TGFBR1: variants seen among roughly 807,000 people sequenced by gnomAD.
TGFBR1 encodes transforming growth factor beta receptor 1.
TGFBR1 carries 20 observed loss-of-function variants against 55.1 expected under a neutral mutation model. The observed-to-expected ratio is 0.36, with a 90% CI of 0.26 to 0.53. TGFBR1 has a LOEUF of 0.53. Among genes scored for constraint, TGFBR1 ranks in the 20% least tolerant of loss-of-function variants. The pLI, the probability that TGFBR1 is intolerant of heterozygous loss-of-function variation, is 0.91. For synonymous variants in TGFBR1, 220 were observed against 214.8 expected (o/e 1.02, Z -0.21); for missense variants, 385 against 617.6 (o/e 0.62, Z 3.99).
intron 1 of TGFBR1, among the ~76,000 whole-genome samples, chr9:99,117,696 T>C (rs1826787453): frequency 6.6e-6 from 1 of 152,236 alleles, no homozygotes; most frequent in African/African-American, 2.4e-5. Flanking sequence ...CTGTTCTGTT[T>C]GCCCATTTGT....
rs1329520774 is a variant in TGFBR1, at chr9:99,146,629, C to T, written c.1255+20C>T. 11 of 1,613,662 alleles carry T rather than the reference C, an allele frequency of 6.8e-6. No individual in the cohort carries two copies. The Admixed American group carries it at 1.2e-4, about 17-fold the overall frequency. On this transcript the variant is annotated intron_variant, in intron 7 of 8. Transcript: ENST00000374994. ...TTGGTGGTAAATTGCTCTCCTCTCCCCCAGTAGTTTGTCATGAGCAGAAGT... is the reference window on the plus strand; with the variant it reads ...TTGGTGGTAAATTGCTCTCCTCTCCTCCAGTAGTTTGTCATGAGCAGAAGT...
At chr9:99,106,677 TCA>T (rs1472729727) in intron 1 of TGFBR1, among the ~76,000 whole-genome samples, 2 of 152,344 alleles carry the variant, frequency 1.3e-5, no homozygotes, top group African/African-American at 2.4e-5. Context: ...CACTCAGATC[TCA>T]GTTTCCCAAA....
intron 1 of TGFBR1, among the ~76,000 whole-genome samples, chr9:99,124,410 A>G (rs565625329): frequency 1.3e-5 from 2 of 152,190 alleles, no homozygotes; most frequent in Non-Finnish European, 2.9e-5. Flanking sequence ...TTGCAGAGTG[A>G]GGAGAACTTG....
At chr9:99,104,671 G>A (rs1276991183), upstream of TGFBR1, among the ~76,000 whole-genome samples, 1 of 152,202 alleles carries the variant, frequency 6.6e-6, no homozygotes, top group Non-Finnish European at 1.5e-5. Context: ...ATGCGGAGCT[G>A]TGAATGGGGT....
chr9:99,131,536 A>G (rs1827223704), intron 2 of TGFBR1, among the ~76,000 whole-genome samples: 1 of 152,250 alleles, frequency 6.6e-6, no homozygotes, highest in South Asian at 2.1e-4. Flanking sequence ...TGAAACAACC[A>G]GAAAATCTTA....
At chr9:99,110,714 C>T (rs996600063) in intron 1 of TGFBR1, among the ~76,000 whole-genome samples, 2 of 152,204 alleles carry the variant, frequency 1.3e-5, no homozygotes, top group Admixed American at 6.5e-5. Flanking sequence ...CCATAAACCC[C>T]ATCTGCCTGG....
In TGFBR1 at chr9:99,150,834, A is replaced by G. The variant is rs559280038; in HGVS notation, c.*1529A>G. 2 of 219,522 alleles carry G rather than the reference A, an allele frequency of 9.1e-6. No individual in the cohort carries two copies. The highest frequency in any genetic ancestry group is 1.2e-4 in the Admixed American group (2 of 17,360). 13.6% of individuals were successfully genotyped at this position (219,522 alleles called of 1,614,324 possible). On this transcript the variant is annotated 3_prime_UTR_variant, in exon 9 of 9. Transcript: ENST00000374994. ...AACTTGTCATGGTCTTCTTACATTAAGTTGAAACTAGCTTATAATAACTGG... is the reference window on the plus strand; with the variant it reads ...AACTTGTCATGGTCTTCTTACATTAGGTTGAAACTAGCTTATAATAACTGG...
At chr9:99,103,723 G>A (rs947791370), upstream of TGFBR1, among the ~76,000 whole-genome samples, 8 of 152,166 alleles carry the variant, frequency 5.3e-5, no homozygotes, top group African/African-American at 1.9e-4. Context: ...GGTTCAGAAA[G>A]GTTAGCTGAC....
intron 1 of TGFBR1, among the ~76,000 whole-genome samples, chr9:99,117,546 A>G (rs1185847179): frequency 1.3e-5 from 2 of 152,098 alleles, no homozygotes; most frequent in African/African-American, 4.8e-5. Flanking sequence ...TTATGGTATG[A>G]GATTTTTATT....
At position 99,149,265 on chromosome 9, in the gene TGFBR1, CATT is replaced by C; in HGVS notation, c.1475_1477del (p.Leu492del). ...CTTACAGCATTGCGGATTAAGAAAA[CATT>C]ATCGCAACTCAGTCAACAGGAAGGC... On this transcript the variant is annotated inframe_deletion, in exon 9 of 9. Transcript: ENST00000374994. 6.2e-7 allele frequency: 1 copy of C among 1,613,676 alleles called. No homozygotes were observed. The highest frequency in any genetic ancestry group is 8.5e-7 in the Non-Finnish European group (1 of 1,179,846).
chr9:99,141,445 T>G (rs1400558201), intron 4 of TGFBR1, among the ~76,000 whole-genome samples: 3 of 152,256 alleles, frequency 2.0e-5, no homozygotes, highest in African/African-American at 7.2e-5. Flanking sequence ...ATGGATTTTT[T>G]CTTTTGGTTT....
chr9:99,132,386 C>G, intron 2 of TGFBR1, 123 bp from the exon 3 acceptor site: 2 of 1,510,072 alleles, frequency 1.3e-6, no homozygotes, highest in South Asian at 2.4e-5. Context: ...TGTAATGAGG[C>G]TCTTTGGCTA....
chr9:99,152,019 G>C lies in TGFBR1; in HGVS notation c.*2714G>C, dbSNP rs1257339516. On this transcript the variant is annotated 3_prime_UTR_variant, in exon 9 of 9. Coordinates refer to ENST00000374994, the MANE Select transcript of TGFBR1 (RefSeq NM_004612.4). ...GATGGGGGAAATACGACTTAGTGAGGCATAGACATCCCTGGTCCATCCTTT... is the reference window on the plus strand; with the variant it reads ...GATGGGGGAAATACGACTTAGTGAGCCATAGACATCCCTGGTCCATCCTTT... The C allele has an allele frequency of 5.0e-6, 1 of 198,626 alleles. No homozygotes were observed. The highest frequency in any genetic ancestry group is 1.0e-5 in the Non-Finnish European group (1 of 96,024). 12.3% of individuals were successfully genotyped at this position (198,626 alleles called of 1,614,324 possible).
chr9:99,134,790 A>G (rs1329988113), intron 3 of TGFBR1, among the ~76,000 whole-genome samples: 1 of 117,672 alleles, frequency 8.5e-6, no homozygotes, highest in Non-Finnish European at 1.7e-5. Flanking sequence ...CAATGGAATA[A>G]TTCTGTTTCC....
chr9:99,143,181 T>G (rs1455126558), intron 5 of TGFBR1, among the ~76,000 whole-genome samples: 1 of 152,220 alleles, frequency 6.6e-6, no homozygotes, highest in Admixed American at 6.5e-5. Context: ...AATCTGGAAA[T>G]TTGTTTAGAG....
At chr9:99,142,978 G>A (rs1300043528) in intron 5 of TGFBR1, among the ~76,000 whole-genome samples, 1 of 152,150 alleles carries the variant, frequency 6.6e-6, no homozygotes, top group Non-Finnish European at 1.5e-5. Context: ...AGGATTACCT[G>A]AGCCTGGGAG....
intron 1 of TGFBR1, among the ~76,000 whole-genome samples, chr9:99,114,836 A>G (rs1406263179): frequency 6.6e-6 from 1 of 152,126 alleles, no homozygotes; most frequent in Non-Finnish European, 1.5e-5. Context: ...TTTACCTTCA[A>G]ACAGGTGCAA....
At chr9:99,144,490 A>G (rs1039692734) in intron 5 of TGFBR1, among the ~76,000 whole-genome samples, 49 of 151,988 alleles carry the variant, frequency 3.2e-4, no homozygotes, top group Non-Finnish European at 6.8e-4. Context: ...TTTTTGCCCC[A>G]GTCTTTGAGT....
chr9:99,137,069 A>C (rs1564160283), intron 3 of TGFBR1, among the ~76,000 whole-genome samples: 3 of 152,206 alleles, frequency 2.0e-5, no homozygotes, highest in African/African-American at 7.2e-5. Context: ...ACTTAAAAAT[A>C]CATATTTTGG....
Sources: gnomAD v4.1 joint callset for allele counts (sites outside exome capture counted in the v4.1 genomes callset) on GRCh38, gnomAD v4.1.1 for gene constraint, MANE v1.5 for transcripts, NCBI Gene and HGNC (gene_info 2026-07-23, HGNC 2026-07-21) for gene names.